The following FAM186A variants were observed in gnomAD, a reference collection of about 807,000 sequenced individuals.
FAM186A encodes the protein protein FAM186A.
FAM186A carries 163 observed loss-of-function variants against 216.8 expected under a neutral mutation model. The observed-to-expected ratio is 0.75, with a 90% confidence interval of 0.66 to 0.86. The LOEUF is 0.86. Ranked by LOEUF, FAM186A falls within the 40% of genes least tolerant of loss-of-function variation. FAM186A has a pLI of 0.00. For synonymous variants in FAM186A, 805 were observed against 1,025.3 expected (o/e 0.79, Z 4.10); for missense variants, 2,184 against 2,746.2 (o/e 0.80, Z 4.58).
intron 4 of FAM186A, among the ~76,000 whole-genome samples, chr12:50,342,889 A>C (rs1293143046): frequency 6.6e-6 from 1 of 151,306 alleles, no homozygotes; most frequent in East Asian, 1.9e-4. Flanking sequence ...CTCCTGTCTC[A>C]GTTTTCCAAA....
intron 1 of FAM186A, among the ~76,000 whole-genome samples, chr12:50,384,562 T>A (rs1943284447): frequency 6.6e-6 from 1 of 152,122 alleles, no homozygotes; most frequent in Non-Finnish European, 1.5e-5. Flanking sequence ...AAAGCCATAA[T>A]AATCAAAACA....
Position 50,351,423 on chromosome 12 carries a change from T to C in FAM186A, c.5409A>G (p.Val1803=). Residue 1803 remains valine, a synonymous_variant, in exon 4 of 8, where the codon GTA becomes GTG. Transcript: ENST00000327337. ...QTLRSSGQTL[V]YGGQSTSAQF... ...GCGCAGAAGTGGATTGACCTCCGTA[T>C]ACCAGGGTCTGTCCAGAGGAACGAA... The C allele has an allele frequency of 6.8e-7, 1 of 1,466,922 alleles. No individual in the cohort carries two copies. Among genetic ancestry groups the C allele is most frequent in the Non-Finnish European group, 9.0e-7 (1 of 1,110,076 alleles). The allele number at this position is 1,466,922 out of a possible 1,614,324, so 90.9% of individuals were successfully genotyped here.
chr12:50,367,516 C>CA (rs35171998), intron 1 of FAM186A, among the ~76,000 whole-genome samples: 12 of 89,714 alleles, frequency 1.3e-4, no homozygotes, highest in African/African-American at 4.7e-4. Context: ...GACTCTGTCT[C>CA]AAAAAAAAAA....
chr12:50,361,062 G>A (rs1943029809), intron 2 of FAM186A, 136 bp from the exon 3 acceptor site: 1 of 568,506 alleles, frequency 1.8e-6, no homozygotes, highest in African/African-American at 1.9e-5. Context: ...CTGCCATTCT[G>A]AGGCTTTTCT....
Position 50,350,745 on chromosome 12 carries a change from G to A in FAM186A, c.6087C>T (p.Thr2029=), listed in dbSNP as rs1048088471. The A allele has an allele frequency of 3.2e-6, 5 of 1,551,590 alleles. No homozygotes were observed. In the East Asian group the frequency reaches 1.2e-4, roughly 38 times the overall value. ...FTKYRTPVYQ[T]PYTDERALLT... is the part of the protein sequence containing the mutation. ...GAAGGGCCCTTTCATCAGTGTAAGGGGTTTGGTATACTGGTGTCCTATATT... is the reference window on the plus strand; with the variant it reads ...GAAGGGCCCTTTCATCAGTGTAAGGAGTTTGGTATACTGGTGTCCTATATT... Residue 2029 remains threonine (T), a synonymous_variant, in exon 4 of 8, where the codon ACC becomes ACT. Transcript: ENST00000327337.
chr12:50,392,279 GTTT>G, intron 1 of FAM186A: 1 of 159,642 alleles, frequency 6.3e-6, no homozygotes, highest in Non-Finnish European at 1.2e-5. Flanking sequence ...TTGTTTGTTT[GTTT>G]GTTTGTTTGT....
At chr12:50,346,220 G>GAGAGAAGGAAAGAAATAAAGAAA (rs1555215373) in intron 4 of FAM186A, among the ~76,000 whole-genome samples, 1 of 46,728 alleles carries the variant, frequency 2.1e-5, no homozygotes, top group Non-Finnish European at 3.8e-5. Context: ...AGAGAGAGAA[G>GAGAGAAGGAAAGAAATAAAGAAA]GAAAGAAAGA....
rs751621472 is a variant in FAM186A at position 50,360,750 on chromosome 12, C to A, written c.583+6G>T. On this transcript the variant is annotated splice_donor_region_variant and intron_variant, in intron 3 of 7. Transcript: ENST00000327337. The stretch of plus-strand genomic sequence containing the variant: ...CTCCAACTCCAAAATCATAAAGCAC[C>A]CTTACATATTTTTTTCTTTTGTTTC... The A allele has an allele frequency of 6.6e-7, 1 of 1,526,256 alleles. No individual in the cohort carries two copies. Among genetic ancestry groups the A allele is most frequent in the South Asian group, 1.3e-5 (1 of 78,406 alleles). 94.5% of individuals were successfully genotyped at this position (1,526,256 alleles called of 1,614,324 possible).
chr12:50,374,177 G>T (rs918002628), intron 1 of FAM186A, among the ~76,000 whole-genome samples: 20 of 149,338 alleles, frequency 1.3e-4, no homozygotes, highest in Non-Finnish European at 2.4e-4. Flanking sequence ...GGGAGGGATA[G>T]CACTGGGAGA....
chr12:50,353,078 C>T lies in FAM186A; in HGVS notation c.3754G>A (p.Gly1252Arg), dbSNP rs760927049. The change falls in exon 4 of 8, where the codon GGA becomes AGA. Residue 1252 changes from glycine to arginine, a missense_variant. Gly to Arg is a moderately radical substitution (Grantham distance 125). Transcript: ENST00000327337. ...PLTPQQAQAL[G>R]ITLTPKQVQE... is the part of the protein sequence containing the mutation. ...ACCTGCTTAGGGGTGAGAGTGATTC[C>T]GAGAGCCTGCGCCTGCTGAGGGGTG... The T allele has an allele frequency of 1.9e-5, 29 of 1,537,050 alleles. No individual in the cohort carries two copies. The highest frequency in any genetic ancestry group is 3.4e-4 in the Middle Eastern group (2 of 5,924).
At chr12:50,378,205 CA>C in intron 1 of FAM186A, among the ~76,000 whole-genome samples, 1 of 138,454 alleles carries the variant, frequency 7.2e-6, no homozygotes, top group South Asian at 2.4e-4. Flanking sequence ...GCCTCGACAA[CA>C]AGAGCGAAAC....
intron 1 of FAM186A, among the ~76,000 whole-genome samples, chr12:50,382,637 T>A (rs2136105566): frequency 6.6e-6 from 1 of 150,782 alleles, no homozygotes; most frequent in East Asian, 2.0e-4. Flanking sequence ...GAGGCAGAAG[T>A]TGCAGTGAGC....
intron 4 of FAM186A, among the ~76,000 whole-genome samples, chr12:50,341,361 C>G (rs1386932719): frequency 6.6e-6 from 1 of 152,024 alleles, no homozygotes; most frequent in African/African-American, 2.4e-5. Context: ...TTGCATCTGT[C>G]TGTGATTTTG....
Position 50,363,232 on chromosome 12 carries a change from A to C in FAM186A, c.325T>G (p.Phe109Val). ...GCGTAAGTAGCCATTTTCTCAAGAA[A>C]ATTGGTTCTCTGTTTTTTCTTATGT... is the stretch of plus-strand genomic sequence containing the variant. ...TEHKKKQRTN[F>V]LEKMATYAKT... The change falls in exon 2 of 8, where the codon TTT becomes GTT. Residue 109 changes from phenylalanine (F) to valine (V), a missense_variant. Coordinates refer to ENST00000327337, the MANE Select transcript of FAM186A (RefSeq NM_001145475.3). 5.8e-6 allele frequency: 9 copies of C among 1,551,572 alleles called. No homozygotes were observed. The highest frequency in any genetic ancestry group is 7.8e-6 in the Non-Finnish European group (9 of 1,146,952).
intron 1 of FAM186A, among the ~76,000 whole-genome samples, chr12:50,368,305 G>A (rs1477826951): frequency 6.6e-6 from 1 of 151,820 alleles, no homozygotes; most frequent in Non-Finnish European, 1.5e-5. Flanking sequence ...GGAGGCTGAG[G>A]CAGGAGAATT....
chr12:50,386,438 A>G (rs1447676498), intron 1 of FAM186A, among the ~76,000 whole-genome samples: 1 of 152,048 alleles, frequency 6.6e-6, no homozygotes, highest in Non-Finnish European at 1.5e-5. Context: ...CAAACAAACA[A>G]AGAAACAAAC....
At position 50,351,077 on chromosome 12, in the gene FAM186A, C is replaced by T. The variant is rs556868929; in HGVS notation, c.5755G>A (p.Ala1919Thr). Residue 1919 changes from alanine (A) to threonine (T), a missense_variant, in exon 4 of 8, where the codon GCT becomes ACT. Ala to Thr is a moderately conservative substitution (Grantham distance 58). Around this residue, in one of 7 missense-constraint regions of FAM186A, gnomAD observed 721 missense variants for 816.4 expected, o/e 0.88. Transcript: ENST00000327337. ...HLATWTLPGRASSLWIPPTSR... is the reference protein window; with the variant it reads ...HLATWTLPGRTSSLWIPPTSR... ...GTGGGAGGGATCCATAATGAAGAAGCTCGCCCAGGAAGGGTCCATGTTGCC... is the reference window on the plus strand; with the variant it reads ...GTGGGAGGGATCCATAATGAAGAAGTTCGCCCAGGAAGGGTCCATGTTGCC... 45 of 1,551,442 alleles carry T rather than the reference C, an allele frequency of 2.9e-5. No homozygotes were observed. In the Middle Eastern group the frequency reaches 8.3e-4, roughly 29 times the overall value.
intron 1 of FAM186A, among the ~76,000 whole-genome samples, chr12:50,382,246 CAAAA>C (rs562315357): frequency 1.7e-5 from 1 of 57,198 alleles, no homozygotes. Flanking sequence ...AACTCCAACT[CAAAA>C]AAAAAAAAAA....
intron 1 of FAM186A, among the ~76,000 whole-genome samples, chr12:50,382,407 T>A (rs115292248): frequency 1.7e-3 from 255 of 151,982 alleles, no homozygotes; most frequent in African/African-American, 5.9e-3. Context: ...TAATTAAAAA[T>A]ATATATATAT....
Sources: allele counts gnomAD v4.1 joint callset (sites outside exome capture counted in the v4.1 genomes callset), GRCh38; gene constraint gnomAD v4.1.1; regional missense constraint gnomAD v4.1.1; transcripts MANE v1.5; gene names NCBI Gene and HGNC (gene_info 2026-07-23, HGNC 2026-07-21).